Variants in GRM5 observed in about 807,000 individuals in gnomAD.
The protein encoded by GRM5 is metabotropic glutamate receptor 5.
In GRM5, 19 loss-of-function variants were observed where a neutral mutation model predicts 83.1. The ratio of observed to expected loss-of-function variants is 0.23; its 90% CI spans 0.16 to 0.34. The LOEUF (loss-of-function observed/expected upper bound fraction) is 0.34, where lower values mean the gene tolerates loss of function less well. Among genes scored for constraint, GRM5 ranks in the 10% least tolerant of loss-of-function variants. The pLI is 1.00. For synonymous variants in GRM5, 675 were observed against 633.6 expected, an observed-to-expected ratio of 1.07 and a Z score of -0.98; for missense variants, 1,160 against 1,588.3, an observed-to-expected ratio of 0.73 and a Z score of 4.58.
At chr11:88,617,987 G>C (rs1418676903) in intron 4 of GRM5, among the ~76,000 whole-genome samples, 1 of 152,140 alleles carries the variant, frequency 6.6e-6, no homozygotes, top group East Asian at 1.9e-4. Flanking sequence ...CCCCTAAGTT[G>C]TACAGGCATT....
At chr11:89,006,082 T>C (rs1274659571) in intron 2 of GRM5, among the ~76,000 whole-genome samples, 3 of 151,922 alleles carry the variant, frequency 2.0e-5, no homozygotes, top group Non-Finnish European at 4.4e-5. Context: ...AAAAAGCAAA[T>C]GAAAAGTTAT....
At chr11:88,612,609 C>T (rs1481104268) in intron 4 of GRM5, among the ~76,000 whole-genome samples, 8 of 152,032 alleles carry the variant, frequency 5.3e-5, no homozygotes, top group Non-Finnish European at 1.2e-4. Flanking sequence ...TCCTATTTCT[C>T]CACATCCTCT....
At chr11:88,555,207 C>T (rs1420756468) in intron 8 of GRM5, among the ~76,000 whole-genome samples, 1 of 152,060 alleles carries the variant, frequency 6.6e-6, no homozygotes, top group East Asian at 1.9e-4. Flanking sequence ...TATGTAAGTC[C>T]ATTGTTCTCA....
intron 5 of GRM5, among the ~76,000 whole-genome samples, chr11:88,601,047 C>T (rs748199283): frequency 6.6e-5 from 10 of 152,094 alleles, no homozygotes; most frequent in Admixed American, 1.3e-4. Context: ...TATGTTAATA[C>T]ATTGAACCAT....
At chr11:88,922,100 G>T (rs1171992313) in intron 2 of GRM5, among the ~76,000 whole-genome samples, 1 of 151,900 alleles carries the variant, frequency 6.6e-6, no homozygotes, top group Non-Finnish European at 1.5e-5. Context: ...ATACAAAAAA[G>T]GTGAAAATAT....
At chr11:89,006,032 C>A (rs1940514161) in intron 2 of GRM5, among the ~76,000 whole-genome samples, 1 of 152,004 alleles carries the variant, frequency 6.6e-6, no homozygotes, top group African/African-American at 2.4e-5. Flanking sequence ...AAAAAGGCGT[C>A]CAGGGGTTTG....
chr11:89,009,177 A>G, intron 2 of GRM5: 1 of 661,078 alleles, frequency 1.5e-6, no homozygotes, highest in South Asian at 1.8e-5. Flanking sequence ...GTATAAATGA[A>G]TAAATTTGTT....
chr11:88,694,107 A>G (rs1399713100), intron 3 of GRM5, among the ~76,000 whole-genome samples: 1 of 152,240 alleles, frequency 6.6e-6, no homozygotes, highest in Admixed American at 6.5e-5. Context: ...ATAGAACTCA[A>G]TAAATAGTTG....
intron 3 of GRM5, among the ~76,000 whole-genome samples, chr11:88,751,642 G>A (rs536111992): frequency 7.2e-5 from 11 of 152,142 alleles, no homozygotes; most frequent in African/African-American, 2.2e-4. Flanking sequence ...ACCTGGCAGA[G>A]ATACAACAAA....
chr11:88,819,877 G>A (rs921284635), intron 3 of GRM5, among the ~76,000 whole-genome samples: 1 of 152,044 alleles, frequency 6.6e-6, no homozygotes, highest in Non-Finnish European at 1.5e-5. Flanking sequence ...ATGTGTGCGA[G>A]AGAGAAAGGA....
At chr11:89,021,643 A>T (rs1940987697) in intron 2 of GRM5, among the ~76,000 whole-genome samples, 1 of 152,212 alleles carries the variant, frequency 6.6e-6, no homozygotes, top group African/African-American at 2.4e-5. Context: ...GATATGTTAA[A>T]AGGGGAAAAA....
intron 2 of GRM5, among the ~76,000 whole-genome samples, chr11:88,979,704 G>A (rs367749955): frequency 2.7e-4 from 41 of 152,182 alleles, no homozygotes; most frequent in East Asian, 2.3e-3. Flanking sequence ...TAGGTCTGAT[G>A]CTTCTGTGAA....
At chr11:88,685,048 A>G (rs1434325371) in intron 3 of GRM5, among the ~76,000 whole-genome samples, 2 of 150,664 alleles carry the variant, frequency 1.3e-5, no homozygotes, top group Non-Finnish European at 3.0e-5. Flanking sequence ...GTAACAGGCA[A>G]AAGTTCGAAC....
intron 3 of GRM5, among the ~76,000 whole-genome samples, chr11:88,752,379 G>A (rs1456247963): frequency 1.3e-5 from 2 of 151,920 alleles, no homozygotes; most frequent in East Asian, 3.9e-4. Flanking sequence ...AAAATACATA[G>A]GAATACAGTT....
At chr11:88,524,855 A>T (rs1941826828) in intron 9 of GRM5, among the ~76,000 whole-genome samples, 1 of 152,240 alleles carries the variant, frequency 6.6e-6, no homozygotes, top group South Asian at 2.1e-4. Flanking sequence ...AGGTATATTA[A>T]TTTCCAGGCT....
chr11:88,913,583 CTCTCTT>C (rs1945538399), intron 2 of GRM5, among the ~76,000 whole-genome samples: 2 of 122,870 alleles, frequency 1.6e-5, no homozygotes, highest in African/African-American at 3.1e-5. Flanking sequence ...CCTTCTCTCT[CTCTCTT>C]TTTTTTTTTT....
intron 2 of GRM5, among the ~76,000 whole-genome samples, chr11:88,878,047 A>G (rs760303404): frequency 6.6e-6 from 1 of 152,056 alleles, no homozygotes; most frequent in African/African-American, 2.4e-5. Context: ...AGTAAAATAT[A>G]CCATATGACT....
chr11:88,941,442 G>C (rs1197826191), intron 2 of GRM5, among the ~76,000 whole-genome samples: 1 of 119,156 alleles, frequency 8.4e-6, no homozygotes, highest in Admixed American at 9.1e-5. Flanking sequence ...GAGAATAGGG[G>C]AGAAGAGGGG....
chr11:88,783,850 G>T (rs1178121501), intron 3 of GRM5, among the ~76,000 whole-genome samples: 1 of 151,966 alleles, frequency 6.6e-6, no homozygotes, highest in Non-Finnish European at 1.5e-5. Context: ...GGATTATATA[G>T]GTTAGTACCT....
Sources: gnomAD v4.1 joint callset for allele counts (sites outside exome capture counted in the v4.1 genomes callset) on GRCh38, gnomAD v4.1.1 for gene constraint, MANE v1.5 for transcripts, NCBI Gene and HGNC (gene_info 2026-07-23, HGNC 2026-07-21) for gene names.